GPR39: variants seen among roughly 807,000 people sequenced by gnomAD.
GPR39 encodes the protein G protein-coupled receptor 39.
GPR39 carries 23 observed loss-of-function variants against 18.4 expected under a neutral mutation model. The observed-to-expected ratio is 1.25, with a 90% CI of 0.90 to 1.77. The LOEUF (loss-of-function observed/expected upper bound fraction) is 1.77, where lower values mean the gene tolerates loss of function less well. GPR39 is among the 40% of genes most tolerant of loss of function. The pLI, the probability that GPR39 is intolerant of heterozygous loss-of-function variation, is 0.00. For missense variants in GPR39, 647 were observed against 602.4 expected, an observed-to-expected ratio of 1.07 and a Z score of -0.78; for synonymous variants, 280 against 257.9, an observed-to-expected ratio of 1.09 and a Z score of -0.82.
chr2:132,589,329 A>T (rs12328191), intron 1 of GPR39, among the ~76,000 whole-genome samples: 19,950 of 152,170 alleles, frequency 0.13, 2,309 homozygotes, highest in East Asian at 0.65. Flanking sequence ...CTCAGCTCTC[A>T]AGTCTCCCAT....
chr2:132,521,280 T>C (rs1156799648), intron 1 of GPR39, among the ~76,000 whole-genome samples: 1 of 152,238 alleles, frequency 6.6e-6, no homozygotes, highest in East Asian at 1.9e-4. Context: ...CTTGAAGTTC[T>C]GTGAATAGCG....
chr2:132,617,524 G>A (rs1024396459), intron 1 of GPR39, among the ~76,000 whole-genome samples: 1 of 151,960 alleles, frequency 6.6e-6, no homozygotes, highest in African/African-American at 2.4e-5. Context: ...TTTTTTATGT[G>A]TTTATTGCCA....
intron 1 of GPR39, among the ~76,000 whole-genome samples, chr2:132,493,172 CATATATACACCAT>C (rs1352692350): frequency 4.6e-4 from 63 of 137,278 alleles, no homozygotes; most frequent in African/African-American, 1.5e-3. Flanking sequence ...ATATATACAC[CATATATACACCAT>C]ATATATACAC....
chr2:132,500,392 T>C (rs1048370416), intron 1 of GPR39, among the ~76,000 whole-genome samples: 1 of 152,172 alleles, frequency 6.6e-6, no homozygotes, highest in Non-Finnish European at 1.5e-5. Flanking sequence ...TATTGACTTA[T>C]ATATGTTGAA....
Position 132,645,802 on chromosome 2 carries a change from ATG to A in GPR39, c.*197_*198del. 1 of 763,836 alleles carries A rather than the reference ATG, an allele frequency of 1.3e-6. No homozygotes were observed. Among genetic ancestry groups the A allele is most frequent in the East Asian group, 2.7e-5 (1 of 36,662 alleles). The allele number at this position is 763,836 out of a possible 1,614,324, so 47.3% of individuals were successfully genotyped here. ...TGGCCTTGACTCCGGTTACACAGAC[ATG>A]GGGGTGAACTTTCACTCCACCTCCT... On this transcript the variant is annotated 3_prime_UTR_variant, in exon 2 of 2. Coordinates refer to ENST00000329321, the MANE Select transcript of GPR39 (RefSeq NM_001508.3).
intron 1 of GPR39, among the ~76,000 whole-genome samples, chr2:132,580,960 C>CAAAAAAAAAAAAAAAA (rs538565776): frequency 1.8e-5 from 1 of 55,322 alleles, no homozygotes; most frequent in African/African-American, 5.6e-5. Context: ...GACTCTGTCT[C>CAAAAAAAAAAAAAAAA]AAAAAAAAAA....
chr2:132,512,278 A>G (rs1230833145), intron 1 of GPR39, among the ~76,000 whole-genome samples: 1 of 152,228 alleles, frequency 6.6e-6, no homozygotes, highest in East Asian at 1.9e-4. Context: ...GAATAGGCCC[A>G]GTTAACCAGA....
intron 1 of GPR39, among the ~76,000 whole-genome samples, chr2:132,431,377 T>A (rs1478946605): frequency 6.6e-6 from 1 of 152,222 alleles, no homozygotes; most frequent in Non-Finnish European, 1.5e-5. Flanking sequence ...ATAGGAAACA[T>A]ATGAGTTGCA....
intron 1 of GPR39, among the ~76,000 whole-genome samples, chr2:132,530,036 CAGAAGA>C: frequency 6.6e-6 from 1 of 151,930 alleles, no homozygotes; most frequent in Admixed American, 6.6e-5. Context: ...AAGAAGCCTT[CAGAAGA>C]TCAACCTACT....
chr2:132,552,446 G>A (rs1680060725), intron 1 of GPR39, among the ~76,000 whole-genome samples: 1 of 152,036 alleles, frequency 6.6e-6, no homozygotes, highest in African/African-American at 2.4e-5. Flanking sequence ...GAAGCTTCCT[G>A]AGGCCTCCCT....
At chr2:132,469,754 T>C (rs1396861066) in intron 1 of GPR39, among the ~76,000 whole-genome samples, 2 of 152,200 alleles carry the variant, frequency 1.3e-5, no homozygotes, top group Non-Finnish European at 2.9e-5. Flanking sequence ...TTACTGTTAA[T>C]AGGAGCCTCT....
At chr2:132,634,137 A>G (rs963341840) in intron 1 of GPR39, among the ~76,000 whole-genome samples, 3 of 149,342 alleles carry the variant, frequency 2.0e-5, no homozygotes, top group South Asian at 2.1e-4. Flanking sequence ...GAGCAGTGGT[A>G]TGGTGATAGA....
chr2:132,536,008 T>TA (rs763082730), intron 1 of GPR39, among the ~76,000 whole-genome samples: 2 of 77,796 alleles, frequency 2.6e-5, no homozygotes, highest in Non-Finnish European at 2.9e-5. Context: ...GTTAATTTTT[T>TA]CAAAAAAAAA....
intron 1 of GPR39, among the ~76,000 whole-genome samples, chr2:132,609,178 G>A (rs953046722): frequency 6.6e-6 from 1 of 152,200 alleles, no homozygotes; most frequent in Admixed American, 6.5e-5. Flanking sequence ...AATCTCAGAT[G>A]TGTTGTACTC....
intron 1 of GPR39, among the ~76,000 whole-genome samples, chr2:132,626,288 T>C (rs1681544285): frequency 6.6e-6 from 1 of 152,144 alleles, no homozygotes; most frequent in South Asian, 2.1e-4. Flanking sequence ...TACAGGGTCA[T>C]TGGAGGCATT....
intron 1 of GPR39, among the ~76,000 whole-genome samples, chr2:132,607,779 A>T (rs1402967300): frequency 1.3e-5 from 2 of 152,198 alleles, no homozygotes; most frequent in African/African-American, 4.8e-5. Flanking sequence ...AACTCTTTCA[A>T]TATGGCACGT....
intron 1 of GPR39, among the ~76,000 whole-genome samples, chr2:132,546,994 G>T (rs939927269): frequency 6.6e-6 from 1 of 152,020 alleles, no homozygotes; most frequent in African/African-American, 2.4e-5. Context: ...AATTCAAGGG[G>T]GTATTTTCAA....
At chr2:132,467,240 A>C (rs1680943380) in intron 1 of GPR39, among the ~76,000 whole-genome samples, 1 of 152,198 alleles carries the variant, frequency 6.6e-6, no homozygotes, top group African/African-American at 2.4e-5. Flanking sequence ...CCTGTGGGGC[A>C]ATCAAAAGCT....
intron 1 of GPR39, among the ~76,000 whole-genome samples, chr2:132,633,300 C>CT (rs1480209826): frequency 2.0e-5 from 3 of 149,964 alleles, no homozygotes; most frequent in South Asian, 4.2e-4. Flanking sequence ...ATATCCTCTA[C>CT]TTTTTTTCCA....
Sources: gnomAD v4.1 joint callset for allele counts (sites outside exome capture counted in the v4.1 genomes callset) on GRCh38, gnomAD v4.1.1 for gene constraint, MANE v1.5 for transcripts, NCBI Gene and HGNC (gene_info 2026-07-23, HGNC 2026-07-21) for gene names.